DOCK4: variants seen among roughly 807,000 people sequenced by gnomAD.
The protein encoded by DOCK4 is dedicator of cytokinesis protein 4.
Under a neutral mutation model 268.1 loss-of-function variants are expected in DOCK4, and 97 were observed. The ratio of observed to expected loss-of-function variants is 0.36; its 90% CI spans 0.31 to 0.43. The LOEUF is 0.43. Among genes scored for constraint, DOCK4 ranks in the 20% least tolerant of loss-of-function variants. The pLI is 1.00. For synonymous variants in DOCK4, 954 were observed against 887.2 expected, an observed-to-expected ratio of 1.08 and a Z score of -1.34; for missense variants, 2,145 against 2,455.7, an observed-to-expected ratio of 0.87 and a Z score of 2.67.
intron 7 of DOCK4, among the ~76,000 whole-genome samples, chr7:111,983,777 T>C (rs1325200575): frequency 4.0e-5 from 6 of 151,744 alleles, no homozygotes; most frequent in Non-Finnish European, 7.4e-5. Flanking sequence ...AGTCCAGCAG[T>C]TGAAGACTAA....
intron 1 of DOCK4, among the ~76,000 whole-genome samples, chr7:112,152,276 A>G (rs1250315957): frequency 6.6e-6 from 1 of 152,226 alleles, no homozygotes; most frequent in Non-Finnish European, 1.5e-5. Context: ...TATAAGCAAC[A>G]AACAGTTTCA....
chr7:111,991,100 T>G (rs1458096437), intron 5 of DOCK4, among the ~76,000 whole-genome samples: 1 of 152,218 alleles, frequency 6.6e-6, no homozygotes, highest in Non-Finnish European at 1.5e-5. Flanking sequence ...TGCCTGCTCT[T>G]GGGAAAGGCG....
intron 1 of DOCK4, among the ~76,000 whole-genome samples, chr7:112,039,354 T>C (rs1353496466): frequency 2.2e-5 from 3 of 138,320 alleles, no homozygotes; most frequent in Non-Finnish European, 4.7e-5. Flanking sequence ...AAACTGAAGG[T>C]TTTAAAGAGG....
intron 6 of DOCK4, among the ~76,000 whole-genome samples, chr7:111,988,051 A>G (rs1799189252): frequency 6.6e-6 from 1 of 152,228 alleles, no homozygotes. Context: ...TCCTATGGTA[A>G]TGGGAAGTGG....
At chr7:112,093,830 C>A (rs1474024022) in intron 1 of DOCK4, among the ~76,000 whole-genome samples, 1 of 150,044 alleles carries the variant, frequency 6.7e-6, no homozygotes, top group East Asian at 2.0e-4. Flanking sequence ...ATTGATCCAC[C>A]ATAACTTTAG....
intron 12 of DOCK4, among the ~76,000 whole-genome samples, chr7:111,924,974 T>G (rs1793478030): frequency 7.1e-6 from 1 of 140,524 alleles, no homozygotes; most frequent in South Asian, 2.2e-4. Flanking sequence ...ATTTCTAAAC[T>G]TGTACTACAA....
At chr7:111,959,973 A>T (rs968910575) in intron 8 of DOCK4, among the ~76,000 whole-genome samples, 1 of 152,176 alleles carries the variant, frequency 6.6e-6, no homozygotes, top group Non-Finnish European at 1.5e-5. Flanking sequence ...TGCACTCAGC[A>T]ATTCTATGAG....
At chr7:111,812,027 A>T (rs1801175435) in intron 27 of DOCK4, 78 bp from the exon 28 acceptor site, 1 of 746,756 alleles carries the variant, frequency 1.3e-6, no homozygotes, top group Non-Finnish European at 2.1e-6. Flanking sequence ...AAAACCTACT[A>T]AGATAAAATA....
chr7:112,055,501 C>T (rs1277972632), intron 1 of DOCK4, among the ~76,000 whole-genome samples: 1 of 152,116 alleles, frequency 6.6e-6, no homozygotes, highest in Non-Finnish European at 1.5e-5. Flanking sequence ...CAAAGAGTGG[C>T]CACAGCTGAG....
intron 4 of DOCK4, among the ~76,000 whole-genome samples, chr7:111,996,632 T>C (rs1319841433): frequency 2.0e-5 from 3 of 152,170 alleles, no homozygotes; most frequent in Non-Finnish European, 4.4e-5. Flanking sequence ...AAACTAATGT[T>C]GGGCTTTTCT....
chr7:112,197,276 A>C (rs1820531991), intron 1 of DOCK4, among the ~76,000 whole-genome samples: 1 of 149,380 alleles, frequency 6.7e-6, no homozygotes, highest in Non-Finnish European at 1.5e-5. Context: ...GTGGTTCCTA[A>C]GAGGTATTAT....
At chr7:112,134,544 G>A (rs1415059692) in intron 1 of DOCK4, among the ~76,000 whole-genome samples, 3 of 139,396 alleles carry the variant, frequency 2.2e-5, no homozygotes, top group Non-Finnish European at 4.6e-5. Context: ...ATGGTGTAAC[G>A]CCGTCTCTAC....
At chr7:112,062,972 C>CG (rs1563047733) in intron 1 of DOCK4, among the ~76,000 whole-genome samples, 2 of 152,164 alleles carry the variant, frequency 1.3e-5, no homozygotes, top group African/African-American at 4.8e-5. Context: ...CCACCATGCC[C>CG]GGTCACTTTC....
intron 12 of DOCK4, among the ~76,000 whole-genome samples, chr7:111,919,618 G>A (rs1792933575): frequency 6.6e-6 from 1 of 152,188 alleles, no homozygotes; most frequent in Admixed American, 6.5e-5. Flanking sequence ...GATGATAATG[G>A]GGGTTGAGGG....
chr7:111,853,009 G>A (rs1804705478), intron 23 of DOCK4, among the ~76,000 whole-genome samples: 1 of 152,166 alleles, frequency 6.6e-6, no homozygotes, highest in Non-Finnish European at 1.5e-5. Context: ...AAAGCTCACT[G>A]TGTTGTATGT....
chr7:111,800,189 A>G (rs1800168057), intron 30 of DOCK4, among the ~76,000 whole-genome samples: 1 of 151,780 alleles, frequency 6.6e-6, no homozygotes, highest in African/African-American at 2.4e-5. Flanking sequence ...AAGATTTTAT[A>G]TAAGGAAAGA....
chr7:111,761,821 T>C (rs1003755034), intron 39 of DOCK4, among the ~76,000 whole-genome samples: 2 of 152,186 alleles, frequency 1.3e-5, no homozygotes, highest in Admixed American at 6.5e-5. Context: ...GGGCAGGCTC[T>C]ACCTATAATT....
At chr7:111,760,932 A>G (rs1283859347) in intron 39 of DOCK4, among the ~76,000 whole-genome samples, 2 of 152,122 alleles carry the variant, frequency 1.3e-5, no homozygotes, top group Admixed American at 1.3e-4. Context: ...TTTAATGATA[A>G]TGAAGTTGTA....
In DOCK4 at chr7:112,204,835, A is replaced by G. The variant is rs117274036; in HGVS notation, c.37+1267T>C. On this transcript the variant is annotated intron_variant, in intron 1 of 52. Coordinates refer to ENST00000428084, the MANE Select transcript of DOCK4 (RefSeq NM_001363540.2). ...AGGAAAATGAATTTAGAACATAAGCAGATATCTACACATCACCTAAATCAC... is the reference window on the plus strand; with the variant it reads ...AGGAAAATGAATTTAGAACATAAGCGGATATCTACACATCACCTAAATCAC... 1.4e-4 allele frequency among the ~76,000 whole-genome samples: 22 copies of G among 151,732 alleles called. No homozygotes were observed. The East Asian group carries it at 4.3e-3, about 30-fold the overall frequency.
Sources: gnomAD v4.1 joint callset for allele counts (sites outside exome capture counted in the v4.1 genomes callset) on GRCh38, gnomAD v4.1.1 for gene constraint, MANE v1.5 for transcripts, NCBI Gene and HGNC (gene_info 2026-07-23, HGNC 2026-07-21) for gene names.